ZNF362: variants seen among roughly 807,000 people sequenced by gnomAD.
ZNF362 encodes the protein zinc finger protein 362.
A neutral mutation model predicts 42.9 loss-of-function variants in ZNF362; 11 were observed. The observed-to-expected ratio is 0.26, with a 90% CI of 0.16 to 0.42. ZNF362 has a LOEUF of 0.42. ZNF362 is among the 20% of genes least tolerant of loss of function. The probability of loss-of-function intolerance (pLI) is 1.00; values close to 1 mark genes in which losing one functional copy is unlikely to be tolerated. For missense variants in ZNF362, 362 were observed against 576.2 expected, an observed-to-expected ratio of 0.63 and a Z score of 3.81; for synonymous variants, 255 against 257.3, an observed-to-expected ratio of 0.99 and a Z score of 0.09.
rs748768621 is a variant in ZNF362 at position 33,276,106 on chromosome 1, C to T, written c.45C>T (p.Ala15=). ...AGTCGCTCTCTTCCCGCAGGATGGC[C>T]GAGCCTCGATTTAACAACCCCTACT... ...SPSGKGHSRM[A]EPRFNNPYFW... Residue 15 remains alanine (A), a synonymous_variant, in exon 3 of 9, where the codon GCC becomes GCT. Transcript: ENST00000539719. 8.0e-5 allele frequency: 129 copies of T among 1,613,894 alleles called. No homozygotes were observed. Among genetic ancestry groups the T allele is most frequent in the Non-Finnish European group, 9.6e-5 (113 of 1,180,004 alleles).
the ZNF362 span, among the ~76,000 whole-genome samples, chr1:33,223,121 T>G: frequency 1.3e-5 from 2 of 152,002 alleles, no homozygotes; most frequent in Non-Finnish European, 2.9e-5. Flanking sequence ...TGTTGTGGCG[T>G]GTGCCTGTAG....
At chr1:33,251,249 G>C in the ZNF362 span, among the ~76,000 whole-genome samples, 1 of 152,210 alleles carries the variant, frequency 6.6e-6, no homozygotes. Flanking sequence ...CCAGCCTTGT[G>C]CTGGGCACTA....
intron 6 of ZNF362, among the ~76,000 whole-genome samples, chr1:33,288,612 G>A (rs1025580127): frequency 6.6e-6 from 1 of 151,956 alleles, no homozygotes; most frequent in South Asian, 2.1e-4. Context: ...GAGCACAGTG[G>A]CACAGGCCTG....
the ZNF362 span, among the ~76,000 whole-genome samples, chr1:33,147,896 A>G: frequency 1.9e-4 from 29 of 152,322 alleles, no homozygotes; most frequent in Non-Finnish European, 4.0e-4. The surrounding 1 kb of genome is among the most constrained non-coding windows in gnomAD (Gnocchi z 8.1). Context: ...CCTCCTCTGT[A>G]GAATGGAAGG....
the ZNF362 span, among the ~76,000 whole-genome samples, chr1:33,225,779 A>C: frequency 6.6e-6 from 1 of 152,194 alleles, no homozygotes; most frequent in African/African-American, 2.4e-5. Flanking sequence ...GCTGACATCA[A>C]CTTGTTGTCA....
At chr1:33,292,129 C>T (rs556289326) in intron 6 of ZNF362, among the ~76,000 whole-genome samples, 1 of 152,192 alleles carries the variant, frequency 6.6e-6, no homozygotes, top group African/African-American at 2.4e-5. Context: ...TGAGAGAGGG[C>T]ATCCCTGTCT....
At chr1:33,155,488 C>T in the ZNF362 span, among the ~76,000 whole-genome samples, 6 of 152,190 alleles carry the variant, frequency 3.9e-5, no homozygotes, top group African/African-American at 1.4e-4. Context: ...CAGTGAGTCT[C>T]CCTGAGCCTT....
chr1:33,276,037 G>T (rs897897305), intron 2 of ZNF362, 63 bp from the exon 3 acceptor site: 9 of 1,585,514 alleles, frequency 5.7e-6, no homozygotes, highest in Non-Finnish European at 7.8e-6. Flanking sequence ...CGCAGCTGAG[G>T]GGTGCTCGCC....
the ZNF362 span, among the ~76,000 whole-genome samples, chr1:33,219,389 C>G: frequency 6.6e-6 from 1 of 152,226 alleles, no homozygotes; most frequent in East Asian, 1.9e-4. Context: ...CCTGCTGTCT[C>G]AAGCCTGCCC....
chr1:33,278,510 G>A (rs1290147260), intron 4 of ZNF362, among the ~76,000 whole-genome samples: 1 of 152,154 alleles, frequency 6.6e-6, no homozygotes, highest in Admixed American at 6.5e-5. Flanking sequence ...TGTTAAAAAT[G>A]GATAAATTCA....
chr1:33,220,067 G>C, the ZNF362 span, among the ~76,000 whole-genome samples: 3 of 152,164 alleles, frequency 2.0e-5, no homozygotes, highest in Admixed American at 2.0e-4. Flanking sequence ...TGAATCATCA[G>C]AGCCAGCAGA....
rs1645992355 is a variant in ZNF362 at position 33,281,282 on chromosome 1, C to G, written c.684-305C>G. ...AGAACTACTTCACGTGGTAGCGCCT[C>G]CTGCCCAGAACCGTGGGATATAGCC... On this transcript the variant is annotated intron_variant, in intron 5 of 8. Transcript: ENST00000539719. The surrounding 1 kb of genome is among the most constrained non-coding windows in gnomAD (Gnocchi z 4.8). Among the ~76,000 whole-genome samples, 1 of 152,164 alleles carries G rather than the reference C, an allele frequency of 6.6e-6. No homozygotes were observed. Among genetic ancestry groups the G allele is most frequent in the Admixed American group, 6.5e-5 (1 of 15,280 alleles).
At chr1:33,128,095 A>G in the ZNF362 span, among the ~76,000 whole-genome samples, 758 of 151,766 alleles carry the variant, frequency 5.0e-3, 8 homozygotes, top group African/African-American at 0.017. Context: ...TGGGCACGGT[A>G]GCTCACACCT....
At chr1:33,270,382 C>G in intron 1 of ZNF362, 105 bp from the exon 2 acceptor site, 1 of 547,832 alleles carries the variant, frequency 1.8e-6, no homozygotes, top group Non-Finnish European at 3.3e-6. Flanking sequence ...GATTCAGTGA[C>G]ATGAATCATG....
At chr1:33,261,440 C>CT (rs1645827284) in intron 1 of ZNF362, 1 of 152,200 alleles carries the variant, frequency 6.6e-6, no homozygotes, top group Non-Finnish European at 1.5e-5. Context: ...TCAGTGGCCT[C>CT]TTTCTTCCCA....
chr1:33,212,863 A>G, the ZNF362 span, among the ~76,000 whole-genome samples: 1 of 152,230 alleles, frequency 6.6e-6, no homozygotes, highest in Non-Finnish European at 1.5e-5. Flanking sequence ...TATATGAGAA[A>G]TGAAAGCGTA....
chr1:33,221,882 G>C, the ZNF362 span, among the ~76,000 whole-genome samples: 3 of 152,144 alleles, frequency 2.0e-5, no homozygotes, highest in Admixed American at 6.5e-5. Flanking sequence ...CTGTGGGAAG[G>C]CTGCCTTTCT....
the ZNF362 span, among the ~76,000 whole-genome samples, chr1:33,218,962 C>G: frequency 6.6e-6 from 1 of 150,640 alleles, no homozygotes; most frequent in African/African-American, 2.4e-5. Context: ...CACACACACA[C>G]ACACACACAC....
chr1:33,134,656 G>A, the ZNF362 span, among the ~76,000 whole-genome samples: 2 of 152,204 alleles, frequency 1.3e-5, no homozygotes, highest in African/African-American at 2.4e-5. Context: ...GTTTACGCAG[G>A]GAAGCTGTGG....
Sources: allele counts gnomAD v4.1 joint callset (sites outside exome capture counted in the v4.1 genomes callset), GRCh38; gene constraint gnomAD v4.1.1; non-coding constraint Gnocchi (gnomAD v3.1); transcripts MANE v1.5; gene names NCBI Gene and HGNC (gene_info 2026-07-23, HGNC 2026-07-21).